Variants in TACO1 observed in about 807,000 individuals in gnomAD.
TACO1 encodes translational activator of cytochrome c oxidase I.
TACO1 carries 13 observed loss-of-function variants against 24.0 expected under a neutral mutation model. The ratio of observed to expected loss-of-function variants is 0.54; its 90% CI spans 0.35 to 0.86. TACO1 has a LOEUF of 0.86. Ranked by LOEUF, TACO1 falls within the 40% of genes least tolerant of loss-of-function variation. The pLI is 0.01. For synonymous variants in TACO1, 149 were observed against 153.5 expected, an observed-to-expected ratio of 0.97 and a Z score of 0.22; for missense variants, 352 against 380.1, an observed-to-expected ratio of 0.93 and a Z score of 0.61.
At chr17:63,601,434 C>T in intron 1 of TACO1, 71 bp downstream of exon 1, 2 of 1,540,716 alleles carry the variant, frequency 1.3e-6, no homozygotes, top group South Asian at 1.1e-5. Flanking sequence ...GCTTGCCTCT[C>T]GGAATTGGGC....
chr17:63,605,036 A>G (rs867282447), intron 2 of TACO1, among the ~76,000 whole-genome samples: 3 of 151,722 alleles, frequency 2.0e-5, no homozygotes, highest in Non-Finnish European at 4.4e-5. Flanking sequence ...AAAAATTATC[A>G]GAGAGAACGG....
At chr17:63,602,516 T>TTTTATTTA (rs149776147) in intron 1 of TACO1, among the ~76,000 whole-genome samples, 107 of 151,484 alleles carry the variant, frequency 7.1e-4, no homozygotes, top group African/African-American at 2.6e-3. Flanking sequence ...TTCAAGCAAC[T>TTTTATTTA]TTTATTTATT....
In TACO1 at chr17:63,607,287, A is replaced by G; in HGVS notation, c.516A>G (p.Gly172=). 1 of 1,613,524 alleles carries G rather than the reference A, an allele frequency of 6.2e-7. No individual in the cohort carries two copies. Among genetic ancestry groups the G allele is most frequent in the Non-Finnish European group, 8.5e-7 (1 of 1,179,928 alleles). Residue 172 remains glycine, a splice_region_variant and synonymous_variant, in exon 4 of 5, where the codon GGA becomes GGG. Transcript: ENST00000258975. ...ADIRHILNKN[G]GVMAVGARHS... ...GCCAGCCTGTTTCCTTCCCTGTCAGAGGAGTGATGGCTGTAGGAGCTCGTC... is the reference window on the plus strand; with the variant it reads ...GCCAGCCTGTTTCCTTCCCTGTCAGGGGAGTGATGGCTGTAGGAGCTCGTC...
intron 1 of TACO1, among the ~76,000 whole-genome samples, chr17:63,602,570 A>C (rs1193137298): frequency 6.6e-6 from 1 of 152,042 alleles, no homozygotes; most frequent in Admixed American, 6.6e-5. Flanking sequence ...TCTGTCACCC[A>C]GGGTAGAGTG....
In TACO1 at chr17:63,600,939, G is replaced by A; in HGVS notation, c.-145G>A. The A allele has an allele frequency of 2.1e-6, 2 of 932,086 alleles. No homozygotes were observed. Among genetic ancestry groups the A allele is most frequent in the Non-Finnish European group, 1.6e-6 (1 of 620,762 alleles). 57.7% of individuals were successfully genotyped at this position (932,086 alleles called of 1,614,324 possible). Reference sequence around the variant, plus strand: ...ACAGTGTAGGGTCATTAGCTGTTGAGCCGCCCCGGGCGGGCCCAAGCCTTT... The same window carrying A: ...ACAGTGTAGGGTCATTAGCTGTTGAACCGCCCCGGGCGGGCCCAAGCCTTT... On this transcript the variant is annotated 5_prime_UTR_variant, in exon 1 of 5. Coordinates refer to ENST00000258975, the MANE Select transcript of TACO1 (RefSeq NM_016360.4).
intron 3 of TACO1, chr17:63,606,997 A>T: frequency 2.0e-6 from 1 of 495,088 alleles, no homozygotes; most frequent in Non-Finnish European, 3.7e-6. Context: ...TATAATGCCT[A>T]AGTCTTAAAA....
At position 63,608,129 on chromosome 17, in the gene TACO1, A is replaced by G. The variant is rs981166142; in HGVS notation, c.*127A>G. On this transcript the variant is annotated 3_prime_UTR_variant, in exon 5 of 5. Coordinates refer to ENST00000258975, the MANE Select transcript of TACO1 (RefSeq NM_016360.4). ...TCAGCAGGCCAGGAGGCCCAAGGAC[A>G]GGACTTGCGACCTTGAAGCCAAAGG... is the stretch of plus-strand genomic sequence containing the variant. 2 of 1,039,126 alleles carry G rather than the reference A, an allele frequency of 1.9e-6. No individual in the cohort carries two copies. The highest frequency in any genetic ancestry group is 2.0e-5 in the Admixed American group (1 of 50,528). 64.4% of individuals were successfully genotyped at this position (1,039,126 alleles called of 1,614,324 possible).
intron 1 of TACO1, 67 bp downstream of exon 1, chr17:63,601,430 C>T: frequency 6.4e-7 from 1 of 1,571,910 alleles, no homozygotes; most frequent in Non-Finnish European, 8.6e-7. Context: ...CCTCGCTTGC[C>T]TCTCGGAATT....
At chr17:63,606,965 C>T (rs1438752010) in intron 3 of TACO1, 12 of 438,548 alleles carry the variant, frequency 2.7e-5, no homozygotes, top group Non-Finnish European at 4.7e-5. Context: ...GATCTTTGTC[C>T]TATTATCCCC....
In TACO1 at chr17:63,607,868, G is replaced by A; in HGVS notation, c.760G>A (p.Val254Met). ...GCTGGACTCCCTGGGCCTGTGTTCT[G>A]TGTCCTGTGCACTAGAGTTCATCCC... Reference protein sequence around the residue: ...KKLDSLGLCSVSCALEFIPNS... With the variant: ...KKLDSLGLCSMSCALEFIPNS... The change falls in exon 5 of 5, where the codon GTG (valine) becomes ATG (methionine). Residue 254 changes from valine to methionine, a missense_variant. Physicochemically the swap from Val to Met is conservative, Grantham distance 21 (BLOSUM62 1). Transcript: ENST00000258975. 6.2e-7 allele frequency: 1 copy of A among 1,614,204 alleles called. No homozygotes were observed.
Position 63,600,916 on chromosome 17 carries a change from A to C in TACO1, c.-168A>C. ...CCCCAGTCCCGGGTGCCGCGGGGAC[A>C]GTGTAGGGTCATTAGCTGTTGAGCC... On this transcript the variant is annotated 5_prime_UTR_variant, in exon 1 of 5. Coordinates refer to ENST00000258975, the MANE Select transcript of TACO1 (RefSeq NM_016360.4). 1.5e-6 allele frequency: 1 copy of C among 660,246 alleles called. No individual in the cohort carries two copies. Among genetic ancestry groups the C allele is most frequent in the Non-Finnish European group, 2.5e-6 (1 of 400,936 alleles). 40.9% of individuals were successfully genotyped at this position (660,246 alleles called of 1,614,324 possible).
chr17:63,605,013 CAAA>C (rs1367504925), intron 2 of TACO1, among the ~76,000 whole-genome samples: 2 of 99,894 alleles, frequency 2.0e-5, no homozygotes, highest in Non-Finnish European at 2.1e-5. Context: ...GACTCTGTCT[CAAA>C]AAAAAAAAAA....
At chr17:63,606,272 A>G in intron 2 of TACO1, 41 bp from the exon 3 acceptor site, 2 of 1,612,184 alleles carry the variant, frequency 1.2e-6, no homozygotes, top group Non-Finnish European at 1.7e-6. Flanking sequence ...TGTGGGAAGG[A>G]ATTGGGAAAC....
intron 2 of TACO1, among the ~76,000 whole-genome samples, chr17:63,605,159 T>C (rs573250462): frequency 1.3e-5 from 2 of 152,202 alleles, no homozygotes; most frequent in Admixed American, 1.3e-4. Flanking sequence ...TGCAGGGCCA[T>C]ACAGTCAAGA....
At chr17:63,603,105 G>A (rs529727613) in intron 1 of TACO1, among the ~76,000 whole-genome samples, 5 of 151,912 alleles carry the variant, frequency 3.3e-5, no homozygotes, top group South Asian at 2.1e-4. Context: ...TGGTGGTGGC[G>A]GGCGCCTATA....
chr17:63,608,169 G>T lies in TACO1; in HGVS notation c.*167G>T. The T allele has an allele frequency of 1.4e-6, 1 of 738,596 alleles. No individual in the cohort carries two copies. Among genetic ancestry groups the T allele is most frequent in the Non-Finnish European group, 2.3e-6 (1 of 428,840 alleles). 45.8% of individuals were successfully genotyped at this position (738,596 alleles called of 1,614,324 possible). A position where few individuals can be genotyped will look rare whatever the true frequency, so the allele number is the denominator to read the frequency against. On this transcript the variant is annotated 3_prime_UTR_variant, in exon 5 of 5. Transcript: ENST00000258975. ...GAAGCCAAAGGAATCTCACTTGTGG[G>T]GCCTCCTTGTCAGCTCTGCTGCTGT... is the stretch of plus-strand genomic sequence containing the variant.
At chr17:63,607,104 C>T (rs1023873889) in intron 3 of TACO1, 183 bp from the exon 4 acceptor site, 10 of 644,024 alleles carry the variant, frequency 1.6e-5, no homozygotes, top group Admixed American at 2.5e-5. Flanking sequence ...AGCGTGGGGA[C>T]ATTCTTGGGC....
Position 63,601,099 on chromosome 17 carries a change from G to A in TACO1, c.16G>A (p.Ala6Thr). The A allele has an allele frequency of 6.5e-7, 1 of 1,541,392 alleles. No individual in the cohort carries two copies. Among genetic ancestry groups the A allele is most frequent in the Non-Finnish European group, 8.7e-7 (1 of 1,145,960 alleles). MSAWA[A>T]ASLSRAAARC... ...GTCGGGACCGATGTCGGCTTGGGCT[G>A]CTGCCAGCCTAAGCAGGGCCGCTGC... The change falls in exon 1 of 5, where the codon GCT (alanine) becomes ACT (threonine). Residue 6 changes from alanine to threonine, a missense_variant. Transcript: ENST00000258975.
Position 63,601,171 on chromosome 17 carries a change from C to T in TACO1, c.88C>T (p.Arg30Cys), listed in dbSNP as rs772877766. 6 of 1,546,916 alleles carry T rather than the reference C, an allele frequency of 3.9e-6. No individual in the cohort carries two copies. The highest frequency in any genetic ancestry group is 3.9e-5 in the Admixed American group (2 of 50,928). ...CCCCGGGGTCAGGGCGGCTCCTCCG[C>T]GCGACCCCCGGCCCTCCCACCCCGA... Reference protein sequence around the residue: ...RGPGVRAAPPRDPRPSHPEPR... With the variant: ...RGPGVRAAPPCDPRPSHPEPR... Residue 30 changes from arginine (R) to cysteine (C), a missense_variant, in exon 1 of 5, where the codon CGC (arginine) becomes TGC (cysteine). Arg to Cys is a radical substitution (Grantham distance 180). Coordinates refer to ENST00000258975, the MANE Select transcript of TACO1 (RefSeq NM_016360.4).
Sources: gnomAD v4.1 joint callset for allele counts (sites outside exome capture counted in the v4.1 genomes callset) on GRCh38, gnomAD v4.1.1 for gene constraint, MANE v1.5 for transcripts, NCBI Gene and HGNC (gene_info 2026-07-23, HGNC 2026-07-21) for gene names.